LRRC39: variants seen among roughly 807,000 people sequenced by gnomAD.
The protein encoded by LRRC39 is leucine rich repeat containing 39, also known as leucine-rich repeat-containing protein 39.
LRRC39 carries 35 observed loss-of-function variants against 39.7 expected under a neutral mutation model. The ratio of observed to expected loss-of-function variants is 0.88; its 90% CI spans 0.67 to 1.17. The LOEUF (loss-of-function observed/expected upper bound fraction) is 1.17. Among genes scored for constraint, LRRC39 ranks in the 50% most tolerant of loss-of-function variants. LRRC39 has a pLI of 0.00. For missense variants in LRRC39, 357 were observed against 385.8 expected (o/e 0.93, Z 0.62); for synonymous variants, 113 against 134.1 (o/e 0.84, Z 1.09).
chr1:100,172,686 C>T (rs1287033471), intron 2 of LRRC39, among the ~76,000 whole-genome samples: 2 of 151,826 alleles, frequency 1.3e-5, no homozygotes, highest in Admixed American at 1.3e-4. Context: ...TGTGGCCAGG[C>T]GCGGTGGCTC....
At chr1:100,175,445 C>T (rs1659893929) in intron 1 of LRRC39, among the ~76,000 whole-genome samples, 1 of 151,498 alleles carries the variant, frequency 6.6e-6, no homozygotes, top group Admixed American at 6.6e-5. Context: ...GCATTGGCCT[C>T]CAGAAGTGCT....
intron 3 of LRRC39, among the ~76,000 whole-genome samples, chr1:100,161,969 G>A (rs1402479226): frequency 2.0e-5 from 3 of 152,128 alleles, no homozygotes; most frequent in Admixed American, 1.3e-4. Flanking sequence ...TTCAGAAACT[G>A]CCATGCTGTT....
chr1:100,151,403 G>A (rs1339780183), intron 9 of LRRC39, among the ~76,000 whole-genome samples: 2 of 151,924 alleles, frequency 1.3e-5, no homozygotes, highest in African/African-American at 4.8e-5. Context: ...CCCCCAATCT[G>A]TCTCCATGTC....
At chr1:100,150,911 T>G (rs1657935650) in intron 9 of LRRC39, among the ~76,000 whole-genome samples, 1 of 152,074 alleles carries the variant, frequency 6.6e-6, no homozygotes, top group Non-Finnish European at 1.5e-5. Flanking sequence ...GTGAATCACC[T>G]GAGGTCAGGA....
At chr1:100,173,961 T>C (rs1659799949) in intron 1 of LRRC39, among the ~76,000 whole-genome samples, 1 of 152,142 alleles carries the variant, frequency 6.6e-6, no homozygotes, top group Non-Finnish European at 1.5e-5. Flanking sequence ...GAGATATACA[T>C]CATATTCATT....
rs148005305 is a variant in LRRC39, at chr1:100,155,157, A to T, written c.706T>A (p.Cys236Ser). The change falls in exon 8 of 10, where the codon TGC (cysteine) becomes AGC (serine). Residue 236 changes from cysteine to serine, a missense_variant. Coordinates refer to ENST00000370137, the MANE Select transcript of LRRC39 (RefSeq NM_144620.4). ...ATATTGCTGATTGTTTGAGGCAAGCATGTTATTTCATTTCGTTGCAGCCAT... is the reference window on the plus strand; with the variant it reads ...ATATTGCTGATTGTTTGAGGCAAGCTTGTTATTTCATTTCGTTGCAGCCAT... ...TLWLQRNEIT[C>S]LPQTISNMKN... The T allele has an allele frequency of 3.5e-5, 56 of 1,609,902 alleles. No individual in the cohort carries two copies. In the African/African-American group the frequency reaches 6.6e-4, roughly 19 times the overall value.
chr1:100,149,287 A>G (rs1657712575), intron 9 of LRRC39, 190 bp from the exon 10 acceptor site: 1 of 1,529,718 alleles, frequency 6.5e-7, no homozygotes, highest in African/African-American at 1.4e-5. Flanking sequence ...AGATCTGGAA[A>G]GCACAATTGT....
At chr1:100,167,400 A>G (rs964955940) in intron 3 of LRRC39, among the ~76,000 whole-genome samples, 9 of 152,238 alleles carry the variant, frequency 5.9e-5, no homozygotes, top group African/African-American at 2.2e-4. Flanking sequence ...TCACTTCCCT[A>G]TCGCCTAAAC....
intron 3 of LRRC39, among the ~76,000 whole-genome samples, chr1:100,164,027 T>G (rs1659063220): frequency 6.6e-6 from 1 of 152,048 alleles, no homozygotes; most frequent in African/African-American, 2.4e-5. Flanking sequence ...GAGCCAAGAT[T>G]GCGCCAATAC....
In LRRC39 at chr1:100,148,589, T is replaced by C; in HGVS notation, c.*453A>G. The C allele has an allele frequency of 6.4e-7, 1 of 1,569,012 alleles. No individual in the cohort carries two copies. On this transcript the variant is annotated 3_prime_UTR_variant, in exon 10 of 10. Transcript: ENST00000370137. ...TAATTTTTTATAAACTTTTGCAAAA[T>C]TTTAACAATGTTTTGTGTGTGTTTA... is the stretch of plus-strand genomic sequence containing the variant.
At chr1:100,164,815 G>A (rs1036936187) in intron 3 of LRRC39, among the ~76,000 whole-genome samples, 8 of 151,658 alleles carry the variant, frequency 5.3e-5, no homozygotes, top group African/African-American at 1.5e-4. Flanking sequence ...TGATCCTCCC[G>A]CCTCACCCCT....
intron 8 of LRRC39, 93 bp downstream of exon 8, chr1:100,154,958 C>A: frequency 8.3e-7 from 1 of 1,201,858 alleles, no homozygotes; most frequent in South Asian, 2.0e-5. Context: ...TAAATAACAA[C>A]TGAAATTTAT....
intron 1 of LRRC39, among the ~76,000 whole-genome samples, 180 bp from the exon 2 acceptor site, chr1:100,173,550 T>C (rs941142255): frequency 6.6e-6 from 1 of 152,214 alleles, no homozygotes; most frequent in African/African-American, 2.4e-5. Flanking sequence ...TGAAAGCCTT[T>C]CATTTAAAAT....
rs1202240938 is a variant in LRRC39, at chr1:100,168,534, A to G, written c.-18T>C. The G allele has an allele frequency of 1.3e-6, 2 of 1,578,496 alleles. No homozygotes were observed. Among genetic ancestry groups the G allele is most frequent in the South Asian group, 1.1e-5 (1 of 88,126 alleles). On this transcript the variant is annotated 5_prime_UTR_variant, in exon 3 of 10. An upstream start codon of the reference 5' UTR is lost. Coordinates refer to ENST00000370137, the MANE Select transcript of LRRC39 (RefSeq NM_144620.4). Reference sequence around the variant, plus strand: ...TCTGTCATGATTTCTCCACATTGTCATAGTCACCAACTTCATTAGGTTTTG... The same window carrying G: ...TCTGTCATGATTTCTCCACATTGTCGTAGTCACCAACTTCATTAGGTTTTG...
rs575208964 is a variant in LRRC39 at position 100,160,371 on chromosome 1, C to G, written c.219+95G>C. On this transcript the variant is annotated intron_variant, in intron 4 of 9. Coordinates refer to ENST00000370137, the MANE Select transcript of LRRC39 (RefSeq NM_144620.4). ...GTGTATTATTAAAATTAGTTTCTAA[C>G]TATTCTAGTCTTAATTACACAGTCT... The G allele has an allele frequency of 6.4e-6, 5 of 776,000 alleles. No homozygotes were observed. In the South Asian group the frequency reaches 7.6e-5, roughly 12 times the overall value. 48.1% of individuals were successfully genotyped at this position (776,000 alleles called of 1,614,324 possible).
At chr1:100,150,667 T>G (rs1657906185) in intron 9 of LRRC39, among the ~76,000 whole-genome samples, 1 of 152,204 alleles carries the variant, frequency 6.6e-6, no homozygotes, top group South Asian at 2.1e-4. Flanking sequence ...AGGATTATTG[T>G]TTTCCTAACT....
intron 1 of LRRC39, 155 bp downstream of exon 1, chr1:100,177,980 G>A (rs1185193158): frequency 1.3e-5 from 2 of 152,152 alleles, no homozygotes; most frequent in Admixed American, 6.6e-5. Flanking sequence ...GAGTGACCAT[G>A]AACACCCCGC....
chr1:100,148,531 A>T lies in LRRC39; in HGVS notation c.*511T>A. 1 of 1,163,862 alleles carries T rather than the reference A, an allele frequency of 8.6e-7. No homozygotes were observed. Among genetic ancestry groups the T allele is most frequent in the Non-Finnish European group, 1.2e-6 (1 of 809,158 alleles). The allele number at this position is 1,163,862 out of a possible 1,614,324, so 72.1% of individuals were successfully genotyped here. A position where few individuals can be genotyped will look rare whatever the true frequency, so the allele number is the denominator to read the frequency against. On this transcript the variant is annotated 3_prime_UTR_variant, in exon 10 of 10. Transcript: ENST00000370137. ...CAAAGTACTTAGTACATTATGGGTT[A>T]GTTAACAGTCTCTCAATAAATAGTG...
chr1:100,177,756 TCAGTTTTCCTATAA>T (rs2101804542), intron 1 of LRRC39, among the ~76,000 whole-genome samples: 1 of 151,914 alleles, frequency 6.6e-6, no homozygotes, highest in South Asian at 2.1e-4. Context: ...TGCTCATCCA[TCAGTTTTCCTATAA>T]CAACCAACTT....
Sources: allele counts gnomAD v4.1 joint callset (sites outside exome capture counted in the v4.1 genomes callset), GRCh38; gene constraint gnomAD v4.1.1; transcripts MANE v1.5; gene names NCBI Gene and HGNC (gene_info 2026-07-23, HGNC 2026-07-21).